The following FBN1 variants were observed in gnomAD, a reference collection of about 807,000 sequenced individuals.
FBN1 encodes fibrillin-1.
Under a neutral mutation model 365.1 loss-of-function variants are expected in FBN1, and 29 were observed. The ratio of observed to expected loss-of-function variants is 0.08; its 90% confidence interval spans 0.06 to 0.11. The LOEUF (loss-of-function observed/expected upper bound fraction) is 0.11. FBN1 is among the 10% of genes least tolerant of loss of function. The pLI is 1.00. For synonymous variants in FBN1, 1,210 were observed against 1,270.5 expected (o/e 0.95, Z 1.01); for missense variants, 2,476 against 3,703.2 (o/e 0.67, Z 8.60).
intron 63 of FBN1, among the ~76,000 whole-genome samples, chr15:48,418,115 T>C (rs2042915537): frequency 6.6e-6 from 1 of 152,214 alleles, no homozygotes; most frequent in Non-Finnish European, 1.5e-5. Flanking sequence ...GAGAAATGAT[T>C]TTTTTTATAG....
At chr15:48,464,909 G>A (rs1033143640) in intron 40 of FBN1, among the ~76,000 whole-genome samples, 2 of 152,156 alleles carry the variant, frequency 1.3e-5, no homozygotes, top group African/African-American at 4.8e-5. Flanking sequence ...ACTCAATAAG[G>A]TTGCCATTGT....
chr15:48,425,383 C>T lies in FBN1; in HGVS notation c.7439G>A (p.Gly2480Glu), dbSNP rs1314994683. ...TTCTACTTTACCTTTGCAGCTCCTT[C>T]CATCCTCTTGCAGAATGTAGCCTTT... ...CPKGYILQED[G>E]RSCKDLDECA... is the part of the protein sequence containing the mutation. Residue 2480 changes from glycine to glutamate, a missense_variant, in exon 60 of 66, where the codon GGA becomes GAA. By Grantham distance (98) the Gly-to-Glu change is moderately conservative. This residue lies in a region of FBN1 where 1,780 missense variants were observed against 2,840.8 expected (regional missense o/e 0.63). Transcript: ENST00000316623. The T allele has an allele frequency of 1.9e-6, 3 of 1,614,192 alleles. No individual in the cohort carries two copies. In the Admixed American group the frequency reaches 5.0e-5, roughly 27 times the overall value.
rs16960943 is a variant in FBN1, at chr15:48,443,206, C to T, written c.6037+1335G>A. On this transcript the variant is annotated intron_variant, in intron 49 of 65. Coordinates refer to ENST00000316623, the MANE Select transcript of FBN1 (RefSeq NM_000138.5). ...ATTAATGAATCTGATCTTCTATTGC[C>T]GATTGAATTACTCCATTCTGACACT... Among the ~76,000 whole-genome samples, 2,500 of 152,182 alleles carry T rather than the reference C, an allele frequency of 0.016. 208 individuals carry two copies. In the East Asian group the frequency reaches 0.24, roughly 15 times the overall value.
At chr15:48,558,671 A>G (rs1205797728) in intron 6 of FBN1, among the ~76,000 whole-genome samples, 2 of 152,244 alleles carry the variant, frequency 1.3e-5, no homozygotes, top group Non-Finnish European at 1.5e-5. Flanking sequence ...AATAGCAGAC[A>G]GATCAGATTC....
At chr15:48,546,894 G>A (rs1290141029) in intron 6 of FBN1, among the ~76,000 whole-genome samples, 1 of 152,106 alleles carries the variant, frequency 6.6e-6, no homozygotes, top group African/African-American at 2.4e-5. Context: ...CGGGCTTCTG[G>A]CTTCCATCAC....
chr15:48,441,638 C>A, intron 50 of FBN1, 83 bp downstream of exon 50: 6 of 1,545,586 alleles, frequency 3.9e-6, no homozygotes, highest in Non-Finnish European at 5.4e-6. Context: ...CACAAAGAAA[C>A]AGAGCTTTGC....
chr15:48,609,754 C>T (rs1041612303), intron 4 of FBN1, among the ~76,000 whole-genome samples: 6 of 152,166 alleles, frequency 3.9e-5, no homozygotes, highest in Admixed American at 1.3e-4. Context: ...CAGGAAGAGT[C>T]CCCCGTGTTC....
intron 6 of FBN1, among the ~76,000 whole-genome samples, chr15:48,556,593 C>T (rs1372270018): frequency 6.6e-6 from 1 of 152,150 alleles, no homozygotes; most frequent in Admixed American, 6.5e-5. Context: ...AAAAGGGTTC[C>T]CTGAGATCTC....
chr15:48,447,877 G>T (rs548407405), intron 46 of FBN1, among the ~76,000 whole-genome samples: 2 of 152,244 alleles, frequency 1.3e-5, no homozygotes, highest in East Asian at 3.9e-4. Flanking sequence ...AAGAATTTTT[G>T]CCTTGATTCA....
intron 2 of FBN1, chr15:48,643,244 A>T (rs1160138517): frequency 2.6e-5 from 4 of 152,264 alleles, no homozygotes; most frequent in Admixed American, 2.6e-4. Context: ...TGCCTTGCAC[A>T]CAGGGCAATA....
At chr15:48,526,355 C>A in intron 8 of FBN1, 100 bp from the exon 9 acceptor site, 1 of 1,273,650 alleles carries the variant, frequency 7.9e-7, no homozygotes, top group East Asian at 2.4e-5. Flanking sequence ...AATCATGTCC[C>A]TGGAAACAGC....
At chr15:48,530,238 G>C (rs5027381) in intron 8 of FBN1, among the ~76,000 whole-genome samples, 2,525 of 71,014 alleles carry the variant, frequency 0.036, 203 homozygotes, top group African/African-American at 0.12. Context: ...TCCGCCGCCT[G>C]ATCACAACTT....
rs878853680 is a variant in FBN1 at position 48,495,257 on chromosome 15, G to T, written c.2543C>A (p.Thr848Asn). 2 of 1,614,012 alleles carry T rather than the reference G, an allele frequency of 1.2e-6. No homozygotes were observed. Among genetic ancestry groups the T allele is most frequent in the African/African-American group, 1.3e-5 (1 of 75,008 alleles). The change falls in exon 22 of 66, where the codon ACC becomes AAC. Residue 848 changes from threonine (T) to asparagine (N), a missense_variant. By Grantham distance (65) the Thr-to-Asn change is moderately conservative. Transcript: ENST00000316623. ...AGTCTGCCAGCAAGTGCCCTTGATG[G>T]TTTCTGCAGAGGAGGGAATAATATT... ...LDPTKTICIE[T>N]IKGTCWQTVI...
chr15:48,419,598 G>C (rs554884626), intron 63 of FBN1, among the ~76,000 whole-genome samples: 5 of 152,188 alleles, frequency 3.3e-5, no homozygotes, highest in African/African-American at 1.2e-4. Flanking sequence ...TATAGCACAG[G>C]GGTCACTTCA....
intron 32 of FBN1, 51 bp from the exon 33 acceptor site, chr15:48,474,701 G>C: frequency 6.2e-7 from 1 of 1,612,628 alleles, no homozygotes; most frequent in Non-Finnish European, 8.5e-7. Flanking sequence ...AATGTCTTTT[G>C]GTTTTTAAAA....
At chr15:48,642,444 T>C (rs896386729) in intron 2 of FBN1, 6 of 152,218 alleles carry the variant, frequency 3.9e-5, no homozygotes, top group Admixed American at 3.9e-4. Flanking sequence ...TAAAGATACA[T>C]AAAAAGTAAG....
At chr15:48,551,978 G>A (rs1449137084) in intron 6 of FBN1, among the ~76,000 whole-genome samples, 7 of 152,144 alleles carry the variant, frequency 4.6e-5, no homozygotes, top group Admixed American at 4.6e-4. Context: ...ACATGCATGT[G>A]TCTTTATAAT....
At chr15:48,562,168 G>A (rs560360326) in intron 6 of FBN1, among the ~76,000 whole-genome samples, 6 of 152,198 alleles carry the variant, frequency 3.9e-5, no homozygotes, top group Admixed American at 6.5e-5. Flanking sequence ...TCAGTTCACC[G>A]AAACTCCTCA....
At chr15:48,428,889 C>T (rs2043003704) in intron 56 of FBN1, among the ~76,000 whole-genome samples, 2 of 151,958 alleles carry the variant, frequency 1.3e-5, no homozygotes, top group Non-Finnish European at 2.9e-5. Context: ...GCAAAAGTAC[C>T]CCCTTCATTT....
Sources: allele counts gnomAD v4.1 joint callset (sites outside exome capture counted in the v4.1 genomes callset), GRCh38; gene constraint gnomAD v4.1.1; regional missense constraint gnomAD v4.1.1; transcripts MANE v1.5; gene names NCBI Gene and HGNC (gene_info 2026-07-23, HGNC 2026-07-21).